The following EWSR1 variants were observed in gnomAD, a reference collection of about 807,000 sequenced individuals.
EWSR1 encodes EWS RNA binding protein 1, also known as RNA-binding protein EWS.
EWSR1 carries 14 observed loss-of-function variants against 92.1 expected under a neutral mutation model. The observed-to-expected ratio is 0.15, with a 90% CI of 0.10 to 0.24. The LOEUF is 0.24. Ranked by LOEUF, EWSR1 falls within the 10% of genes least tolerant of loss-of-function variation. EWSR1 has a pLI of 1.00. For missense variants in EWSR1, 637 were observed against 870.9 expected (o/e 0.73, Z 3.38); for synonymous variants, 303 against 292.9 (o/e 1.03, Z -0.35).
intron 5 of EWSR1, 31 bp downstream of exon 5, chr22:29,278,247 C>A: frequency 3.1e-6 from 5 of 1,598,212 alleles, no homozygotes; most frequent in Non-Finnish European, 4.3e-6. Flanking sequence ...ATGCGTCAGT[C>A]TTATGTTGGA....
chr22:29,295,419 G>GGAGTTTGA (rs979167566), intron 11 of EWSR1: 2 of 210,700 alleles, frequency 9.5e-6, no homozygotes, highest in African/African-American at 4.5e-5. Context: ...CTTGAGCCCA[G>GGAGTTTGA]GAGTTTGAGA....
rs758165400 is a variant in EWSR1 at position 29,297,785 on chromosome 22, G to A, written c.1295-42G>A. On this transcript the variant is annotated intron_variant, in intron 12 of 16. Transcript: ENST00000397938. ...ATGATGATGTGGAGTTGGTGAACAGGGAGTACAGGGGAGTAATTGATGTTC... is the reference window on the plus strand; with the variant it reads ...ATGATGATGTGGAGTTGGTGAACAGAGAGTACAGGGGAGTAATTGATGTTC... 8 of 1,607,876 alleles carry A rather than the reference G, an allele frequency of 5.0e-6. No homozygotes were observed. The East Asian group carries it at 1.3e-4, about 27-fold the overall frequency.
At chr22:29,268,657 G>T (rs1260538459) in intron 1 of EWSR1, among the ~76,000 whole-genome samples, 2 of 152,208 alleles carry the variant, frequency 1.3e-5, no homozygotes, top group Non-Finnish European at 2.9e-5. Flanking sequence ...CCGCCACGTG[G>T]GCGGGGCCTG....
chr22:29,271,407 T>C (rs1396288902), intron 1 of EWSR1, among the ~76,000 whole-genome samples: 2 of 152,210 alleles, frequency 1.3e-5, no homozygotes, highest in Non-Finnish European at 2.9e-5. Context: ...ATAAATTTCA[T>C]AGGAAAAGGA....
intron 11 of EWSR1, among the ~76,000 whole-genome samples, chr22:29,294,041 G>A (rs1274664132): frequency 6.6e-6 from 1 of 150,834 alleles, no homozygotes; most frequent in East Asian, 2.0e-4. Context: ...GCTAATTTTT[G>A]TAAGTAGAGA....
chr22:29,289,699 A>G (rs1384031172), intron 8 of EWSR1: 3 of 232,502 alleles, frequency 1.3e-5, no homozygotes, highest in African/African-American at 6.6e-5. Context: ...TCAAGGAAAA[A>G]TTAAATAGCA....
At chr22:29,299,449 T>A (rs2061161786) in intron 15 of EWSR1, 118 bp downstream of exon 15, 1 of 1,495,240 alleles carries the variant, frequency 6.7e-7, no homozygotes, top group Non-Finnish European at 8.9e-7. Context: ...TGTCGTGTCC[T>A]CATTTCTAAA....
rs763161398 is a variant in EWSR1, at chr22:29,274,291, A to G, written c.226+427A>G. The G allele has an allele frequency of 2.9e-5, 47 of 1,613,570 alleles. No homozygotes were observed. The Admixed American group carries it at 4.0e-4, about 14-fold the overall frequency. ...AGAAGGGACCAGTACAGGTTTGACT[A>G]TCCTGCTCATTCTTGCATGGGAAAT... On this transcript the variant is annotated intron_variant, in intron 4 of 16. Transcript: ENST00000397938.
At position 29,272,451 on chromosome 22, in the gene EWSR1, C is replaced by T. The variant is rs1197173891; in HGVS notation, c.102+20C>T. On this transcript the variant is annotated intron_variant, in intron 3 of 16. Coordinates refer to ENST00000397938, the MANE Select transcript of EWSR1 (RefSeq NM_005243.4). ...ACCCAGGTAATCTTTAAAATAATTA[C>T]ATGTAGCTGCACCTCCAAGTAAAAT... 6.3e-7 allele frequency: 1 copy of T among 1,585,572 alleles called. No homozygotes were observed. The highest frequency in any genetic ancestry group is 1.7e-5 in the Admixed American group (1 of 59,196).
Position 29,299,894 on chromosome 22 carries a change from A to G in EWSR1, c.1931+43A>G, listed in dbSNP as rs2061206863. On this transcript the variant is annotated intron_variant, in intron 16 of 16. Coordinates refer to ENST00000397938, the MANE Select transcript of EWSR1 (RefSeq NM_005243.4). ...GCAGCTGTGGGCCGCCAGGCACAGT[A>G]AGAGGACAGCCCTTCCCAGCTTGGT... 6 of 1,533,722 alleles carry G rather than the reference A, an allele frequency of 3.9e-6. No homozygotes were observed. The African/African-American group carries it at 6.9e-5, about 18-fold the overall frequency.
Position 29,288,773 on chromosome 22 carries a change from C to T in EWSR1, c.961C>T (p.Arg321Cys), listed in dbSNP as rs1229961792. 6 of 1,610,490 alleles carry T rather than the reference C, an allele frequency of 3.7e-6. No individual in the cohort carries two copies. The highest frequency in any genetic ancestry group is 1.7e-5 in the Admixed American group (1 of 59,474). ...GMSRGGRGGG[R>C]GGMGSAGERG... ...GAGCAGAGGTGGGCGGGGAGGAGGA[C>T]GCGGTGGAATGGGGTAAGAGCAAAC... Residue 321 changes from arginine (R) to cysteine (C), a missense_variant, in exon 8 of 17, where the codon CGC becomes TGC. This residue lies in a region of EWSR1 where 8 missense variants were observed against 36.1 expected (regional missense o/e 0.22). Coordinates refer to ENST00000397938, the MANE Select transcript of EWSR1 (RefSeq NM_005243.4).
At chr22:29,285,122 G>GTTTTT (rs35739164) in intron 6 of EWSR1, among the ~76,000 whole-genome samples, 3 of 111,598 alleles carry the variant, frequency 2.7e-5, no homozygotes, top group African/African-American at 3.7e-5. Context: ...TCTGGCCCTT[G>GTTTTT]TTTTTTTTTT....
Position 29,297,893 on chromosome 22 carries a change from T to C in EWSR1, c.1361T>C (p.Met454Thr), listed in dbSNP as rs775029900. 31 of 1,614,004 alleles carry C rather than the reference T, an allele frequency of 1.9e-5. No homozygotes were observed. Among genetic ancestry groups the C allele is most frequent in the Non-Finnish European group, 2.4e-5 (28 of 1,179,962 alleles). The change falls in exon 13 of 17, where the codon ATG (methionine) becomes ACG (threonine). Residue 454 changes from methionine (M) to threonine (T), a missense_variant. By Grantham distance (81) the Met-to-Thr change is moderately conservative (BLOSUM62 -1). Transcript: ENST00000397938. ...CGGAAGAAGCCTCCAATGAACAGTA[T>C]GCGGGGTGGTCTGCCACCCCGTGAG... ...LARKKPPMNS[M>T]RGGLPPREGR...
intron 13 of EWSR1, 83 bp downstream of exon 13, chr22:29,298,032 G>A: frequency 6.9e-7 from 1 of 1,439,754 alleles, no homozygotes; most frequent in Non-Finnish European, 9.4e-7. Context: ...TTAGAGTGAA[G>A]AAATATAAAA....
At chr22:29,294,778 G>T (rs150899015) in intron 11 of EWSR1, among the ~76,000 whole-genome samples, 1 of 151,652 alleles carries the variant, frequency 6.6e-6, no homozygotes, top group East Asian at 2.0e-4. Context: ...GCCGGGTGTG[G>T]TGACACGCGC....
chr22:29,276,386 C>A (rs1404684117), intron 4 of EWSR1: 1 of 224,732 alleles, frequency 4.4e-6, no homozygotes, highest in African/African-American at 2.2e-5. Context: ...TTTAACTCAG[C>A]AGTTTTGACA....
At chr22:29,277,237 T>A (rs886749632) in intron 4 of EWSR1, 2 of 226,402 alleles carry the variant, frequency 8.8e-6, no homozygotes, top group African/African-American at 4.4e-5. Flanking sequence ...CCAATATTGC[T>A]GAGCAGGAAA....
rs149220998 is a variant in EWSR1 at position 29,271,020 on chromosome 22, G to C, written c.14-1196G>C. The stretch of plus-strand genomic sequence containing the variant: ...CAGAGAGGTAGGCAGATAAGCCAAC[G>C]TGAAGAGATGGATTCAGCAAAGCTC... On this transcript the variant is annotated intron_variant, in intron 1 of 16. Transcript: ENST00000397938. Among the ~76,000 whole-genome samples the C allele has an allele frequency of 2.1e-3, 325 of 152,306 alleles. 1 individual carries two copies. In the Middle Eastern group the frequency reaches 0.024, roughly 11 times the overall value.
At chr22:29,291,885 T>A (rs2060466708) in intron 9 of EWSR1, 2 of 568,412 alleles carry the variant, frequency 3.5e-6, no homozygotes, top group Non-Finnish European at 6.2e-6. Context: ...TTAACACTGA[T>A]TTGGCACATA....
Sources: gnomAD v4.1 joint callset for allele counts (sites outside exome capture counted in the v4.1 genomes callset) on GRCh38, gnomAD v4.1.1 for gene constraint, gnomAD v4.1.1 regional missense constraint, MANE v1.5 for transcripts, NCBI Gene and HGNC (gene_info 2026-07-23, HGNC 2026-07-21) for gene names.